The following CHD5 variants were observed in gnomAD, a reference collection of about 807,000 sequenced individuals.
The protein encoded by CHD5 is chromodomain helicase DNA binding protein 5, also known as ATP-dependent chromatin remodeler CHD5.
A neutral mutation model predicts 230.3 loss-of-function variants in CHD5; 69 were observed. The ratio of observed to expected loss-of-function variants is 0.30; its 90% CI spans 0.25 to 0.37. The LOEUF (loss-of-function observed/expected upper bound fraction) is 0.37. Ranked by LOEUF, CHD5 falls within the 10% of genes least tolerant of loss-of-function variation. The pLI, the probability that CHD5 is intolerant of heterozygous loss-of-function variation, is 1.00. For synonymous variants in CHD5, 1,064 were observed against 1,065.9 expected (o/e 1.00, Z 0.03); for missense variants, 1,827 against 2,622.8 (o/e 0.70, Z 6.63).
Position 6,126,674 on chromosome 1 carries a change from G to A in CHD5, c.3976C>T (p.His1326Tyr). ...DPDYWEKLLRHHYEQQQEDLA... is the reference protein window; with the variant it reads ...DPDYWEKLLRYHYEQQQEDLA... The stretch of plus-strand genomic sequence containing the variant: ...TCCTCCTGCTGCTGCTCATAGTGGT[G>A]CCGCAGCAGCTTCTCCCAGTAGTCG... The change falls in exon 26 of 42, where the codon CAC becomes TAC. Residue 1326 changes from histidine (H) to tyrosine (Y), a missense_variant. Physicochemically the swap from His to Tyr is moderately conservative, Grantham distance 83. This residue lies in a region of CHD5 where 137 missense variants were observed against 272.7 expected (regional missense o/e 0.50). Coordinates refer to ENST00000262450, the MANE Select transcript of CHD5 (RefSeq NM_015557.3). This position sits in a 1 kb window ranked among gnomAD's most constrained non-coding sequence, Gnocchi z 5.7. 6.2e-7 allele frequency: 1 copy of A among 1,614,022 alleles called. No homozygotes were observed. The highest frequency in any genetic ancestry group is 1.3e-5 in the African/African-American group (1 of 75,040).
chr1:6,114,488 T>TTA (rs1362699249), intron 33 of CHD5, among the ~76,000 whole-genome samples: 8 of 144,444 alleles, frequency 5.5e-5, no homozygotes, highest in African/African-American at 1.3e-4. Context: ...GCTGATGAGC[T>TTA]TATATATATA....
intron 15 of CHD5, among the ~76,000 whole-genome samples, chr1:6,139,498 A>G (rs977101875): frequency 2.6e-5 from 4 of 151,060 alleles, no homozygotes; most frequent in Non-Finnish European, 5.9e-5. Flanking sequence ...CGGCCTCCCA[A>G]AGTGCTGGGA....
In CHD5 at chr1:6,102,157, G is replaced by A; in HGVS notation, c.*3317C>T. The A allele has an allele frequency of 3.7e-6, 1 of 270,374 alleles. No homozygotes were observed. Among genetic ancestry groups the A allele is most frequent in the Non-Finnish European group, 7.6e-6 (1 of 131,774 alleles). The allele number at this position is 270,374 out of a possible 1,614,324, so 16.7% of individuals were successfully genotyped here. A position where few individuals can be genotyped will look rare whatever the true frequency, so the allele number is the denominator to read the frequency against. ...GGACCCTCCCTTCCTCTCCAGGGGTGCTTGGGCTCCAATCGCTGCTTGAGG... is the reference window on the plus strand; with the variant it reads ...GGACCCTCCCTTCCTCTCCAGGGGTACTTGGGCTCCAATCGCTGCTTGAGG... On this transcript the variant is annotated 3_prime_UTR_variant, in exon 42 of 42. Coordinates refer to ENST00000262450, the MANE Select transcript of CHD5 (RefSeq NM_015557.3).
chr1:6,135,030 G>T (rs1666717468), intron 18 of CHD5, among the ~76,000 whole-genome samples, 171 bp from the exon 19 acceptor site: 1 of 152,128 alleles, frequency 6.6e-6, no homozygotes, highest in African/African-American at 2.4e-5. Context: ...AAGTGACTGG[G>T]GGACACTGCC....
chr1:6,130,396 G>A lies in CHD5; in HGVS notation c.3263-68C>T. The A allele has an allele frequency of 1.4e-6, 2 of 1,442,846 alleles. No homozygotes were observed. The highest frequency in any genetic ancestry group is 1.9e-6 in the Non-Finnish European group (2 of 1,041,210). 89.4% of individuals were successfully genotyped at this position (1,442,846 alleles called of 1,614,324 possible). A position where few individuals can be genotyped will look rare whatever the true frequency, so the allele number is the denominator to read the frequency against. Reference sequence around the variant, plus strand: ...CACCTTGGGTGGGCAGAAAGGATGGGGGAGAGAACAGAGAGAAGGAACTGC... The same window carrying A: ...CACCTTGGGTGGGCAGAAAGGATGGAGGAGAGAACAGAGAGAAGGAACTGC... On this transcript the variant is annotated intron_variant, in intron 21 of 41. Transcript: ENST00000262450. This position sits in a 1 kb window ranked among gnomAD's most constrained non-coding sequence, Gnocchi z 4.9.
At chr1:6,145,119 G>T (rs916769089) in intron 11 of CHD5, among the ~76,000 whole-genome samples, 4 of 152,072 alleles carry the variant, frequency 2.6e-5, no homozygotes, top group Admixed American at 6.6e-5. Context: ...AGGAAAAGGG[G>T]GGTGTCCCAT....
At chr1:6,149,097 AG>A (rs1465857344) in intron 8 of CHD5, 22 bp from the exon 9 acceptor site, 1 of 1,484,850 alleles carries the variant, frequency 6.7e-7, no homozygotes, top group South Asian at 1.4e-5. Flanking sequence ...GGCCAGGTGG[AG>A]GCACCCTGGG....
At position 6,149,001 on chromosome 1, in the gene CHD5, C is replaced by A. The variant is rs780153511; in HGVS notation, c.1236G>T (p.Glu412Asp). 6.3e-7 allele frequency: 1 copy of A among 1,590,210 alleles called. No individual in the cohort carries two copies. The highest frequency in any genetic ancestry group is 8.6e-7 in the Non-Finnish European group (1 of 1,167,746). Residue 412 changes from glutamate (E) to aspartate (D), a missense_variant, in exon 9 of 42, where the codon GAG (glutamate) becomes GAT (aspartate). Glu to Asp is a conservative substitution (Grantham distance 45). This residue lies in a region of CHD5 where 657 missense variants were observed against 816.4 expected (regional missense o/e 0.80). Coordinates refer to ENST00000262450, the MANE Select transcript of CHD5 (RefSeq NM_015557.3). ...CGCGGCAGAACTCCATGTGGTCGTCCTCCTCCTCCTCGCAGCCGCCCTCCT... is the reference window on the plus strand; with the variant it reads ...CGCGGCAGAACTCCATGTGGTCGTCATCCTCCTCCTCGCAGCCGCCCTCCT... Reference protein sequence around the residue: ...EEEEGGCEEEEDDHMEFCRVC... With the variant: ...EEEEGGCEEEDDDHMEFCRVC...
Position 6,106,639 on chromosome 1 carries a change from C to T in CHD5, c.5719G>A (p.Ala1907Thr), listed in dbSNP as rs1054235000. Residue 1907 changes from alanine (A) to threonine (T), a missense_variant, in exon 39 of 42, where the codon GCC becomes ACC. Physicochemically the swap from Ala to Thr is moderately conservative, Grantham distance 58. Transcript: ENST00000262450. ...ACCTGCTGGATGGTGGGGTCCCCGGCGCGGTTGGTCAGGCGGCTCAGGATG... is the reference window on the plus strand; with the variant it reads ...ACCTGCTGGATGGTGGGGTCCCCGGTGCGGTTGGTCAGGCGGCTCAGGATG... ...RSILSRLTNR[A>T]GDPTIQQGAF... is the part of the protein sequence containing the mutation. The T allele has an allele frequency of 5.0e-6, 8 of 1,591,954 alleles. No homozygotes were observed. The highest frequency in any genetic ancestry group is 6.8e-6 in the Non-Finnish European group (8 of 1,169,886).
At chr1:6,152,264 T>C (rs1264752313) in intron 6 of CHD5, 148 bp downstream of exon 6, 2 of 814,210 alleles carry the variant, frequency 2.5e-6, no homozygotes, top group Non-Finnish European at 3.9e-6. Flanking sequence ...CACACCTGCA[T>C]GTAGGATGGA....
intron 1 of CHD5, among the ~76,000 whole-genome samples, chr1:6,174,187 G>A (rs1238126324): frequency 6.6e-6 from 1 of 152,114 alleles, no homozygotes; most frequent in Non-Finnish European, 1.5e-5. Context: ...GGGAGAGGCA[G>A]GGGCATGACC....
intron 3 of CHD5, 30 bp downstream of exon 3, chr1:6,159,306 C>G: frequency 6.4e-7 from 1 of 1,550,696 alleles, no homozygotes; most frequent in Non-Finnish European, 8.7e-7. Context: ...GGATGTCGCT[C>G]TGTCCCCCCA....
Position 6,110,463 on chromosome 1 carries a change from G to A in CHD5, c.5313C>T (p.Pro1771=), listed in dbSNP as rs767696119. ...NDPRYMILNE[P]FKSEVHKGNY... ...TGCCCTTGTGGACCTCAGACTTGAA[G>A]GGCTCGTTGAGGATCATGTACCGTG... is the stretch of plus-strand genomic sequence containing the variant. Residue 1771 remains proline (P), a synonymous_variant, in exon 37 of 42, where the codon CCC becomes CCT. Coordinates refer to ENST00000262450, the MANE Select transcript of CHD5 (RefSeq NM_015557.3). 2 of 1,614,086 alleles carry A rather than the reference G, an allele frequency of 1.2e-6. No homozygotes were observed. Among genetic ancestry groups the A allele is most frequent in the South Asian group, 2.2e-5 (2 of 91,082 alleles).
In CHD5 at chr1:6,130,062, G is replaced by A. The variant is rs1021191955; in HGVS notation, c.3387+142C>T. On this transcript the variant is annotated intron_variant, in intron 22 of 41. Coordinates refer to ENST00000262450, the MANE Select transcript of CHD5 (RefSeq NM_015557.3). This position sits in a 1 kb window ranked among gnomAD's most constrained non-coding sequence, Gnocchi z 4.9. ...ACTCACTCCCAGAGCCCCTCTTGGG[G>A]CCGAGACTCCACGGGGGAGGGAGGC... 1.5e-5 allele frequency: 14 copies of A among 939,134 alleles called. No individual in the cohort carries two copies. The highest frequency in any genetic ancestry group is 2.1e-5 in the Non-Finnish European group (13 of 611,140). 58.2% of individuals were successfully genotyped at this position (939,134 alleles called of 1,614,324 possible).
Position 6,121,051 on chromosome 1 carries a change from G to C in CHD5, c.4912+54C>G, listed in dbSNP as rs1371790374. The C allele has an allele frequency of 5.3e-6, 8 of 1,512,910 alleles. No homozygotes were observed. In the Admixed American group the frequency reaches 1.8e-4, roughly 34 times the overall value. 93.7% of individuals were successfully genotyped at this position (1,512,910 alleles called of 1,614,324 possible). ...GCCACCTGCCCTTCTCTGAACCCAG[G>C]CCTGCTGAGGCCAGACATGGCACTG... is the stretch of plus-strand genomic sequence containing the variant. On this transcript the variant is annotated intron_variant, in intron 33 of 41. Transcript: ENST00000262450. This position sits in a 1 kb window ranked among gnomAD's most constrained non-coding sequence, Gnocchi z 4.5.
chr1:6,155,828 G>T lies in CHD5; in HGVS notation c.388-111C>A. On this transcript the variant is annotated intron_variant, in intron 3 of 41. Transcript: ENST00000262450. This position sits in a 1 kb window ranked among gnomAD's most constrained non-coding sequence, Gnocchi z 4.0. Reference sequence around the variant, plus strand: ...TGGCACAGGGGAAAGAGGAGGGGTTGTGTCTGCAATGTAACCAGACCATTC... The same window carrying T: ...TGGCACAGGGGAAAGAGGAGGGGTTTTGTCTGCAATGTAACCAGACCATTC... 1.3e-6 allele frequency: 1 copy of T among 776,990 alleles called. No homozygotes were observed. Among genetic ancestry groups the T allele is most frequent in the Non-Finnish European group, 2.2e-6 (1 of 463,012 alleles). The allele number at this position is 776,990 out of a possible 1,614,324, so 48.1% of individuals were successfully genotyped here. A position where few individuals can be genotyped will look rare whatever the true frequency, so the allele number is the denominator to read the frequency against.
chr1:6,128,646 A>C lies in CHD5; in HGVS notation c.3620-37T>G. ...AGAAGGAAAGCACTGGTGCAGGACCACAGAGGGCTGCAGGGTTGGCGGGCA... is the reference window on the plus strand; with the variant it reads ...AGAAGGAAAGCACTGGTGCAGGACCCCAGAGGGCTGCAGGGTTGGCGGGCA... On this transcript the variant is annotated intron_variant, in intron 23 of 41. Transcript: ENST00000262450. The surrounding 1 kb of genome is among the most constrained non-coding windows in gnomAD (Gnocchi z 7.8). 6.5e-7 allele frequency: 1 copy of C among 1,535,868 alleles called. No homozygotes were observed. Among genetic ancestry groups the C allele is most frequent in the Non-Finnish European group, 9.0e-7 (1 of 1,110,808 alleles).
intron 1 of CHD5, among the ~76,000 whole-genome samples, chr1:6,169,606 GA>G (rs1265375649): frequency 6.6e-6 from 1 of 152,226 alleles, no homozygotes; most frequent in Non-Finnish European, 1.5e-5. Flanking sequence ...ATGAGCTGTG[GA>G]GGGGCTGTGG....
intron 34 of CHD5, among the ~76,000 whole-genome samples, chr1:6,112,515 T>G (rs921852992): frequency 6.6e-6 from 1 of 151,758 alleles, no homozygotes; most frequent in Admixed American, 6.6e-5. Context: ...CACCCAGGAG[T>G]AGGACAGGAG....
Sources: gnomAD v4.1 joint callset for allele counts (sites outside exome capture counted in the v4.1 genomes callset) on GRCh38, gnomAD v4.1.1 for gene constraint, gnomAD v4.1.1 regional missense constraint, Gnocchi (gnomAD v3.1) non-coding constraint, MANE v1.5 for transcripts, NCBI Gene and HGNC (gene_info 2026-07-23, HGNC 2026-07-21) for gene names.